The following CYP39A1 variants were observed in gnomAD, a reference collection of about 807,000 sequenced individuals.
CYP39A1 encodes the protein cytochrome P450 family 39 subfamily A member 1.
A neutral mutation model predicts 58.1 loss-of-function variants in CYP39A1; 49 were observed. That is an observed-to-expected ratio of 0.84 (90% CI 0.67 to 1.07). CYP39A1 has a LOEUF of 1.07. CYP39A1 is among the 50% of genes least tolerant of loss of function. CYP39A1 has a pLI of 0.00. For synonymous variants in CYP39A1, 209 were observed against 187.6 expected, an observed-to-expected ratio of 1.11 and a Z score of -0.93; for missense variants, 531 against 539.4, an observed-to-expected ratio of 0.98 and a Z score of 0.16.
At chr6:46,632,372 G>T (rs375103141) in intron 5 of CYP39A1, among the ~76,000 whole-genome samples, 33 of 152,046 alleles carry the variant, frequency 2.2e-4, no homozygotes, top group African/African-American at 8.0e-4. Flanking sequence ...CAGGTTTGTG[G>T]TTTTTGTAGA....
chr6:46,636,666 G>A (rs1776007582), intron 4 of CYP39A1, among the ~76,000 whole-genome samples, 184 bp from the exon 5 acceptor site: 1 of 152,176 alleles, frequency 6.6e-6, no homozygotes, highest in African/African-American at 2.4e-5. Context: ...AGCTGGGGAG[G>A]CAGAGCAACT....
At chr6:46,636,170 T>C (rs1044983934) in intron 5 of CYP39A1, among the ~76,000 whole-genome samples, 1 of 152,214 alleles carries the variant, frequency 6.6e-6, no homozygotes, top group Admixed American at 6.5e-5. Flanking sequence ...ATTTTTTTGC[T>C]CGTTGTCTCT....
intron 10 of CYP39A1, among the ~76,000 whole-genome samples, chr6:46,557,252 G>A (rs1770708649): frequency 6.6e-6 from 1 of 151,700 alleles, no homozygotes. Flanking sequence ...TGACCAAGCA[G>A]GGAAAATATT....
chr6:46,633,544 T>A (rs1233323381), intron 5 of CYP39A1, among the ~76,000 whole-genome samples: 6 of 151,930 alleles, frequency 3.9e-5, no homozygotes, highest in Admixed American at 1.3e-4. Flanking sequence ...TAGCTCACAC[T>A]TTTTTTTAAT....
intron 7 of CYP39A1, among the ~76,000 whole-genome samples, chr6:46,606,772 AATG>A (rs1193013975): frequency 4.6e-5 from 7 of 151,794 alleles, no homozygotes; most frequent in Non-Finnish European, 8.8e-5. Flanking sequence ...GCATACTCAT[AATG>A]ATGTGTATTA....
At chr6:46,615,324 A>G (rs1774460852) in intron 7 of CYP39A1, among the ~76,000 whole-genome samples, 1 of 151,864 alleles carries the variant, frequency 6.6e-6, no homozygotes, top group African/African-American at 2.4e-5. Context: ...AACATAACAT[A>G]TATTTATATA....
rs190364610 is a variant in CYP39A1 at position 46,582,262 on chromosome 6, C to T, written c.1250+4815G>A. 3.2e-3 allele frequency among the ~76,000 whole-genome samples: 485 copies of T among 152,284 alleles called. 3 individuals are homozygous for T. The highest frequency in any genetic ancestry group is 0.019 in the South Asian group (90 of 4,830). On this transcript the variant is annotated intron_variant, in intron 10 of 11. Coordinates refer to ENST00000275016, the MANE Select transcript of CYP39A1 (RefSeq NM_016593.5). ...ATTTATGGGGATTTAAATTTGCTCACTCCTTAAAAGCAATCAGCTATTTCT... is the reference window on the plus strand; with the variant it reads ...ATTTATGGGGATTTAAATTTGCTCATTCCTTAAAAGCAATCAGCTATTTCT...
intron 7 of CYP39A1, among the ~76,000 whole-genome samples, chr6:46,599,567 T>C (rs563659485): frequency 6.6e-6 from 1 of 152,234 alleles, no homozygotes; most frequent in Admixed American, 6.5e-5. Context: ...TCATACCAGA[T>C]GAATCCAGAG....
At chr6:46,630,118 C>CAA (rs1775556853) in intron 6 of CYP39A1, among the ~76,000 whole-genome samples, 1 of 147,344 alleles carries the variant, frequency 6.8e-6, no homozygotes, top group African/African-American at 2.7e-5. Flanking sequence ...CAAAACAAAA[C>CAA]AACAACAACA....
chr6:46,634,532 T>TA (rs1341068532), intron 5 of CYP39A1, among the ~76,000 whole-genome samples: 17 of 150,176 alleles, frequency 1.1e-4, no homozygotes, highest in African/African-American at 3.9e-4. Context: ...TGCTTTTTTT[T>TA]TTTTTTTGAG....
chr6:46,576,265 T>C (rs949726991), intron 10 of CYP39A1, among the ~76,000 whole-genome samples: 1 of 152,060 alleles, frequency 6.6e-6, no homozygotes, highest in Non-Finnish European at 1.5e-5. Flanking sequence ...AGGACCCGCC[T>C]CCAAAACGAA....
chr6:46,640,685 C>T (rs1284004119), intron 2 of CYP39A1, among the ~76,000 whole-genome samples: 1 of 151,558 alleles, frequency 6.6e-6, no homozygotes, highest in Non-Finnish European at 1.5e-5. Flanking sequence ...TTGTGTTATG[C>T]TGAGGTTTGG....
chr6:46,643,107 C>T (rs1776443911), intron 1 of CYP39A1, among the ~76,000 whole-genome samples: 2 of 152,080 alleles, frequency 1.3e-5, no homozygotes, highest in South Asian at 4.1e-4. Context: ...AACCTTTGAA[C>T]ATACTGTAGC....
chr6:46,639,346 A>C, intron 3 of CYP39A1, 148 bp downstream of exon 3: 1 of 615,328 alleles, frequency 1.6e-6, no homozygotes. Flanking sequence ...AAAAAAAAAT[A>C]ATTTAAAAGA....
chr6:46,563,115 C>T (rs1197425531), intron 10 of CYP39A1, among the ~76,000 whole-genome samples: 11 of 124,648 alleles, frequency 8.8e-5, no homozygotes, highest in Middle Eastern at 4.5e-3. Context: ...TTTACAGTGG[C>T]AAAAAAAAAA....
chr6:46,609,664 A>G (rs1472278673), intron 7 of CYP39A1, among the ~76,000 whole-genome samples: 1 of 152,196 alleles, frequency 6.6e-6, no homozygotes, highest in East Asian at 1.9e-4. Flanking sequence ...TATGTAAAAT[A>G]TAAGCTATTC....
chr6:46,616,019 C>CT (rs1774518020), intron 7 of CYP39A1, among the ~76,000 whole-genome samples: 2 of 115,204 alleles, frequency 1.7e-5, no homozygotes, highest in African/African-American at 3.1e-5. Flanking sequence ...CCCTCCCTCC[C>CT]CCTCCCTCCC....
At chr6:46,648,812 T>TA (rs1048128003) in intron 1 of CYP39A1, among the ~76,000 whole-genome samples, 284 of 144,520 alleles carry the variant, frequency 2.0e-3, no homozygotes, top group Middle Eastern at 7.0e-3. Flanking sequence ...TGGTAAAAGT[T>TA]AAAAAAAAAA....
intron 1 of CYP39A1, 94 bp from the exon 2 acceptor site, chr6:46,642,392 C>A: frequency 8.2e-7 from 1 of 1,218,588 alleles, no homozygotes; most frequent in South Asian, 1.6e-5. Context: ...AAGTTATAGT[C>A]AAAAGAAAAA....
Sources: gnomAD v4.1 joint callset for allele counts (sites outside exome capture counted in the v4.1 genomes callset) on GRCh38, gnomAD v4.1.1 for gene constraint, MANE v1.5 for transcripts, NCBI Gene and HGNC (gene_info 2026-07-23, HGNC 2026-07-21) for gene names.